Variants in TBX5 observed in about 807,000 individuals in gnomAD.
The protein encoded by TBX5 is T-box transcription factor TBX5.
A neutral mutation model predicts 51.1 loss-of-function variants in TBX5; 8 were observed. The observed-to-expected ratio is 0.16, with a 90% confidence interval of 0.09 to 0.28. The LOEUF is 0.28. Ranked by LOEUF, TBX5 falls within the 10% of genes least tolerant of loss-of-function variation. The pLI, the probability that TBX5 is intolerant of heterozygous loss-of-function variation, is 1.00. For missense variants in TBX5, 589 were observed against 671.7 expected, an observed-to-expected ratio of 0.88 and a Z score of 1.36; for synonymous variants, 302 against 266.4, an observed-to-expected ratio of 1.13 and a Z score of -1.30.
chr12:114,406,658 C>T (rs1593890270), upstream of TBX5, among the ~76,000 whole-genome samples: 1 of 152,084 alleles, frequency 6.6e-6, no homozygotes, highest in South Asian at 2.1e-4. Flanking sequence ...GGATGGGGGC[C>T]GAGATCAAAG....
At chr12:114,382,601 C>T (rs530968770) in intron 7 of TBX5, among the ~76,000 whole-genome samples, 136 of 152,172 alleles carry the variant, frequency 8.9e-4, no homozygotes, top group South Asian at 2.3e-3. Flanking sequence ...GAGTTTGAGA[C>T]CAGCCTGGCC....
chr12:114,402,018 C>G (rs568452795), intron 2 of TBX5, 98 bp from the exon 3 acceptor site: 8 of 1,064,334 alleles, frequency 7.5e-6, no homozygotes, highest in Non-Finnish European at 1.1e-5. Context: ...TCCTCCTTCC[C>G]GCTGGAGCCT....
intron 7 of TBX5, among the ~76,000 whole-genome samples, chr12:114,374,882 G>A (rs1182394831): frequency 6.6e-6 from 1 of 152,190 alleles, no homozygotes; most frequent in Admixed American, 6.5e-5. Flanking sequence ...AAGAAGGAGG[G>A]AGGGAGAGAG....
chr12:114,378,150 C>G (rs1425065561), intron 7 of TBX5, among the ~76,000 whole-genome samples: 1 of 152,160 alleles, frequency 6.6e-6, no homozygotes, highest in African/African-American at 2.4e-5. Flanking sequence ...CCAACCAAGT[C>G]CCCCAATCCA....
At chr12:114,357,302 G>A (rs1868980134) in intron 8 of TBX5, among the ~76,000 whole-genome samples, 1 of 152,100 alleles carries the variant, frequency 6.6e-6, no homozygotes, top group Non-Finnish European at 1.5e-5. Flanking sequence ...AAAAAGTGCT[G>A]GGCTCTTTCC....
intron 2 of TBX5, among the ~76,000 whole-genome samples, chr12:114,403,124 G>T (rs978644686): frequency 6.6e-6 from 1 of 152,268 alleles, no homozygotes; most frequent in African/African-American, 2.4e-5. Flanking sequence ...CCTGGGCCCA[G>T]GTTGTAGCCT....
At chr12:114,365,413 TA>T (rs1869464098) in intron 8 of TBX5, among the ~76,000 whole-genome samples, 1 of 151,882 alleles carries the variant, frequency 6.6e-6, no homozygotes, top group Non-Finnish European at 1.5e-5. Flanking sequence ...CCTTAGCAGT[TA>T]AAAATAAAAT....
chr12:114,389,553 G>A (rs1197462902), intron 6 of TBX5, among the ~76,000 whole-genome samples: 1 of 149,964 alleles, frequency 6.7e-6, no homozygotes, highest in East Asian at 2.0e-4. Flanking sequence ...AGGAGATCGA[G>A]ACCATCCCGG....
chr12:114,359,582 A>C (rs1478003279), intron 8 of TBX5, among the ~76,000 whole-genome samples: 1 of 152,238 alleles, frequency 6.6e-6, no homozygotes, highest in African/African-American at 2.4e-5. Flanking sequence ...CTTAGGTAAC[A>C]GTAAATTCTT....
At chr12:114,402,730 T>G (rs922881031) in intron 2 of TBX5, among the ~76,000 whole-genome samples, 1 of 152,064 alleles carries the variant, frequency 6.6e-6, no homozygotes, top group Non-Finnish European at 1.5e-5. Context: ...TATACATATG[T>G]GCACACACAC....
intron 5 of TBX5, among the ~76,000 whole-genome samples, chr12:114,398,104 A>G (rs541060262): frequency 6.6e-6 from 1 of 152,296 alleles, no homozygotes; most frequent in East Asian, 1.9e-4. Context: ...AGCAGCTTCA[A>G]TCATTCCTCC....
chr12:114,381,641 A>C (rs1248327859), intron 7 of TBX5, among the ~76,000 whole-genome samples: 1 of 152,254 alleles, frequency 6.6e-6, no homozygotes, highest in South Asian at 2.1e-4. Flanking sequence ...CCCCTCCTGC[A>C]GATGAGAATA....
chr12:114,370,632 T>G (rs1869842605), intron 7 of TBX5, among the ~76,000 whole-genome samples: 1 of 114,982 alleles, frequency 8.7e-6, no homozygotes, highest in African/African-American at 3.5e-5. Flanking sequence ...TGGGGGATGA[T>G]CTCTCCCTCT....
Position 114,356,056 on chromosome 12 carries a change from T to C in TBX5, c.1033A>G (p.Thr345Ala), listed in dbSNP as rs1868895836. The C allele has an allele frequency of 6.2e-7, 1 of 1,613,912 alleles. No homozygotes were observed. ...AAGGAATCTTCTTCACTGGGTGATG[T>C]CTCCATGTAGGGCTTCTTATAGGGA... ...DHPYKKPYME[T>A]SPSEEDSFYR... is the part of the protein sequence containing the mutation. Residue 345 changes from threonine (T) to alanine (A), a missense_variant, in exon 9 of 9, where the codon ACA becomes GCA. This residue lies in a region of TBX5 where 348 missense variants were observed against 360.4 expected (regional missense o/e 0.97). Coordinates refer to ENST00000405440, the MANE Select transcript of TBX5 (RefSeq NM_181486.4).
chr12:114,403,950 G>A lies in TBX5; in HGVS notation c.-38-14C>T. 1.9e-6 allele frequency: 3 copies of A among 1,596,886 alleles called. No individual in the cohort carries two copies. The East Asian group carries it at 6.7e-5, about 36-fold the overall frequency. ...CAAGGTTCTGCTCTGAGGACAAGAA[G>A]CAGGGGGAGATGGGGGTGGGGAGGA... On this transcript the variant is annotated splice_polypyrimidine_tract_variant and intron_variant, in intron 1 of 8. Coordinates refer to ENST00000405440, the MANE Select transcript of TBX5 (RefSeq NM_181486.4).
intron 4 of TBX5, 107 bp from the exon 5 acceptor site, chr12:114,398,827 A>G (rs1346997647): frequency 7.3e-7 from 1 of 1,365,942 alleles, no homozygotes; most frequent in Non-Finnish European, 1.0e-6. Context: ...GTTGAGTAGT[A>G]GCTGGGAATA....
intron 2 of TBX5, among the ~76,000 whole-genome samples, chr12:114,402,184 C>T (rs1871867099): frequency 6.6e-6 from 1 of 152,154 alleles, no homozygotes; most frequent in Non-Finnish European, 1.5e-5. Context: ...CTAATGCCAT[C>T]AGCACAAGGC....
At chr12:114,406,681 C>A (rs1199786544), upstream of TBX5, among the ~76,000 whole-genome samples, 1 of 152,120 alleles carries the variant, frequency 6.6e-6, no homozygotes, top group Non-Finnish European at 1.5e-5. Context: ...GCTAAGAAAT[C>A]GCTGCGGGCC....
chr12:114,357,851 A>G (rs1260113898), intron 8 of TBX5, among the ~76,000 whole-genome samples: 1 of 152,228 alleles, frequency 6.6e-6, no homozygotes, highest in Admixed American at 6.5e-5. Context: ...GGAGAAGTGA[A>G]GAAAAATGAA....
Sources: gnomAD v4.1 joint callset for allele counts (sites outside exome capture counted in the v4.1 genomes callset) on GRCh38, gnomAD v4.1.1 for gene constraint, gnomAD v4.1.1 regional missense constraint, MANE v1.5 for transcripts, NCBI Gene and HGNC (gene_info 2026-07-23, HGNC 2026-07-21) for gene names.